DCDC1: variants seen among roughly 807,000 people sequenced by gnomAD.
DCDC1 encodes the protein doublecortin domain containing 1.
DCDC1 carries 200 observed loss-of-function variants against 178.3 expected under a neutral mutation model. The observed-to-expected ratio is 1.12, with a 90% confidence interval of 1.00 to 1.26. The LOEUF is 1.26. DCDC1 is among the 50% of genes most tolerant of loss of function. The pLI, the probability that DCDC1 is intolerant of heterozygous loss-of-function variation, is 0.00. For synonymous variants in DCDC1, 690 were observed against 604.8 expected (o/e 1.14, Z -2.07); for missense variants, 1,983 against 1,749.2 (o/e 1.13, Z -2.38).
At chr11:30,994,560 C>T (rs923606057) in intron 20 of DCDC1, among the ~76,000 whole-genome samples, 1 of 147,422 alleles carries the variant, frequency 6.8e-6, no homozygotes, top group Non-Finnish European at 1.5e-5. Flanking sequence ...TGTATATATG[C>T]CCTTTGTAAG....
At chr11:30,991,987 G>A (rs1162669409) in intron 20 of DCDC1, among the ~76,000 whole-genome samples, 2 of 152,174 alleles carry the variant, frequency 1.3e-5, no homozygotes, top group African/African-American at 4.8e-5. Flanking sequence ...GGCCTAGTAT[G>A]TGCCATGCAC....
At chr11:31,343,689 TG>T (rs1950667885) in intron 1 of DCDC1, among the ~76,000 whole-genome samples, 1 of 152,110 alleles carries the variant, frequency 6.6e-6, no homozygotes. Flanking sequence ...GAGGCCGAGA[TG>T]GGTAGACCAC....
At chr11:31,299,172 C>T (rs72888145) in intron 6 of DCDC1, among the ~76,000 whole-genome samples, 94 of 152,234 alleles carry the variant, frequency 6.2e-4, no homozygotes, top group East Asian at 9.6e-4. Flanking sequence ...TAAATACTTG[C>T]GCTCTTTGTT....
At chr11:31,028,666 T>C (rs905547802) in intron 20 of DCDC1, among the ~76,000 whole-genome samples, 3 of 152,002 alleles carry the variant, frequency 2.0e-5, no homozygotes, top group Admixed American at 1.3e-4. Context: ...ATAAACCTAT[T>C]TGATGTTTTT....
intron 9 of DCDC1, among the ~76,000 whole-genome samples, chr11:31,208,573 C>A (rs1200568218): frequency 6.6e-6 from 1 of 152,136 alleles, no homozygotes; most frequent in Non-Finnish European, 1.5e-5. Flanking sequence ...TAGTTCATGT[C>A]ACCTCCATGC....
At chr11:31,069,562 A>G (rs1362338711) in intron 18 of DCDC1, among the ~76,000 whole-genome samples, 1 of 152,190 alleles carries the variant, frequency 6.6e-6, no homozygotes, top group African/African-American at 2.4e-5. Context: ...AATACCAAAT[A>G]TGTTCCACAG....
At chr11:31,280,945 C>G in intron 7 of DCDC1, 1 of 636,174 alleles carries the variant, frequency 1.6e-6, no homozygotes, top group Non-Finnish European at 3.0e-6. Flanking sequence ...ACTGGGCACA[C>G]TTTTGAACAA....
chr11:30,982,670 G>A (rs290072), intron 20 of DCDC1, among the ~76,000 whole-genome samples: 3,298 of 150,686 alleles, frequency 0.022, 121 homozygotes, highest in African/African-American at 0.076. Context: ...ACATTAGATC[G>A]TATATCTCTA....
intron 20 of DCDC1, among the ~76,000 whole-genome samples, chr11:31,056,151 A>T (rs1263084860): frequency 6.6e-6 from 1 of 152,162 alleles, no homozygotes; most frequent in Non-Finnish European, 1.5e-5. Context: ...TAGTAAGTCA[A>T]GGCAGCATGT....
intron 20 of DCDC1, among the ~76,000 whole-genome samples, chr11:30,974,409 A>C (rs1479809767): frequency 6.6e-6 from 1 of 152,108 alleles, no homozygotes; most frequent in African/African-American, 2.4e-5. Flanking sequence ...ACACACATAA[A>C]GGATAATAAG....
chr11:31,330,863 AT>A (rs1949943173), intron 2 of DCDC1, among the ~76,000 whole-genome samples: 1 of 152,002 alleles, frequency 6.6e-6, no homozygotes, highest in African/African-American at 2.4e-5. Flanking sequence ...TTTGCTTAGG[AT>A]TGTCTTGGCA....
rs1949794869 is a variant in DCDC1 at position 31,328,879 on chromosome 11, C to T, written c.-6-593G>A. 2.1e-5 allele frequency among the ~76,000 whole-genome samples: 3 copies of T among 139,816 alleles called. No individual in the cohort carries two copies. The Admixed American group carries it at 2.2e-4, about 10-fold the overall frequency. 91.7% of individuals were successfully genotyped at this position (139,816 alleles called of 152,430 possible). A position where few individuals can be genotyped will look rare whatever the true frequency, so the allele number is the denominator to read the frequency against. Reference sequence around the variant, plus strand: ...AAAACATTTTAATTTTTGCTATTTGCTGGAAAACTGCTTATATAAGCAAAA... The same window carrying T: ...AAAACATTTTAATTTTTGCTATTTGTTGGAAAACTGCTTATATAAGCAAAA... On this transcript the variant is annotated intron_variant, in intron 2 of 38. Coordinates refer to ENST00000684477, the MANE Select transcript of DCDC1 (RefSeq NM_001387274.1).
At chr11:30,886,811 G>T (rs187612837) in intron 36 of DCDC1, among the ~76,000 whole-genome samples, 5 of 151,998 alleles carry the variant, frequency 3.3e-5, no homozygotes, top group African/African-American at 1.2e-4. Flanking sequence ...TTTCTATCTG[G>T]AGTGGGAAAA....
intron 23 of DCDC1, among the ~76,000 whole-genome samples, chr11:30,923,245 C>G (rs1565080068): frequency 6.6e-6 from 1 of 152,126 alleles, no homozygotes; most frequent in Non-Finnish European, 1.5e-5. Flanking sequence ...ACAGCAGGCA[C>G]CATATGGCCC....
intron 14 of DCDC1, among the ~76,000 whole-genome samples, chr11:31,102,551 T>C (rs1958579998): frequency 2.0e-5 from 3 of 152,148 alleles, no homozygotes; most frequent in African/African-American, 7.2e-5. Context: ...CTGCTTTTGG[T>C]TCTCTGTATT....
intron 9 of DCDC1, among the ~76,000 whole-genome samples, chr11:31,213,161 C>G (rs1332285868): frequency 8.5e-6 from 1 of 117,810 alleles, no homozygotes; most frequent in Admixed American, 9.3e-5. Context: ...CTCTCTCTCT[C>G]TGCTTTCTTT....
At chr11:31,183,281 C>A (rs1969062762) in intron 9 of DCDC1, among the ~76,000 whole-genome samples, 2 of 152,308 alleles carry the variant, frequency 1.3e-5, no homozygotes, top group South Asian at 4.1e-4. Flanking sequence ...CACCCCAAAT[C>A]AACAGAATAT....
intron 8 of DCDC1, among the ~76,000 whole-genome samples, chr11:31,249,620 C>T (rs190206489): frequency 3.5e-4 from 54 of 152,214 alleles, no homozygotes; most frequent in Admixed American, 3.1e-3. Context: ...AGCATCTTTC[C>T]GACACAACAG....
At chr11:31,260,724 C>T (rs1014144588) in intron 8 of DCDC1, among the ~76,000 whole-genome samples, 1 of 152,146 alleles carries the variant, frequency 6.6e-6, no homozygotes, top group Non-Finnish European at 1.5e-5. Context: ...GGGAGAGTGA[C>T]TCCTCTGGTT....
Sources: allele counts gnomAD v4.1 joint callset (sites outside exome capture counted in the v4.1 genomes callset), GRCh38; gene constraint gnomAD v4.1.1; transcripts MANE v1.5; gene names NCBI Gene and HGNC (gene_info 2026-07-23, HGNC 2026-07-21).